Variants in AGBL1 observed in about 807,000 individuals in gnomAD.
AGBL1 encodes AGBL carboxypeptidase 1, also known as cytosolic carboxypeptidase 4.
In AGBL1, 130 loss-of-function variants were observed where a neutral mutation model predicts 118.9. That is an observed-to-expected ratio of 1.09 (90% CI 0.95 to 1.26). The LOEUF is 1.26. Ranked by LOEUF, AGBL1 falls within the 50% of genes most tolerant of loss-of-function variation. The probability of loss-of-function intolerance (pLI) is 0.00; values close to 1 mark genes in which losing one functional copy is unlikely to be tolerated. For synonymous variants in AGBL1, 555 were observed against 478.9 expected, an observed-to-expected ratio of 1.16 and a Z score of -2.08; for missense variants, 1,584 against 1,298.1, an observed-to-expected ratio of 1.22 and a Z score of -3.38.
Position 87,010,724 on chromosome 15 carries a change from G to C in AGBL1, c.3324-18101G>C, listed in dbSNP as rs184442240. 3.3e-3 allele frequency among the ~76,000 whole-genome samples: 505 copies of C among 152,292 alleles called. 3 individuals carry two copies. Among genetic ancestry groups the C allele is most frequent in the Middle Eastern group, 6.8e-3 (2 of 294 alleles). The stretch of plus-strand genomic sequence containing the variant: ...TAGACTTGGACTAAGCTATGCTACA[G>C]CTGCCCTGGTTCTCTAGCTTGAAAA... On this transcript the variant is annotated intron_variant, in intron 24 of 24. Transcript: ENST00000441037.
chr15:86,378,343 A>G (rs2081067288), intron 17 of AGBL1, among the ~76,000 whole-genome samples: 1 of 152,040 alleles, frequency 6.6e-6, no homozygotes, highest in African/African-American at 2.4e-5. Context: ...GCTGATTACC[A>G]CAGAAGATAT....
chr15:86,628,720 C>T (rs903894123), intron 21 of AGBL1, among the ~76,000 whole-genome samples: 57 of 151,854 alleles, frequency 3.8e-4, no homozygotes, highest in African/African-American at 1.1e-3. Context: ...GGCATGAACC[C>T]GGGAGGCGGA....
At chr15:86,419,736 C>G (rs1173883409) in intron 18 of AGBL1, among the ~76,000 whole-genome samples, 1 of 152,174 alleles carries the variant, frequency 6.6e-6, no homozygotes, top group Non-Finnish European at 1.5e-5. Context: ...GCTGCCAGCA[C>G]AGCAGTCTGA....
chr15:86,097,048 A>G (rs908965030), intron 1 of AGBL1, among the ~76,000 whole-genome samples: 1 of 152,168 alleles, frequency 6.6e-6, no homozygotes, highest in Admixed American at 6.6e-5. Context: ...CTGCAGACTC[A>G]CTTCTAGAAT....
chr15:86,355,702 C>T (rs1328514012), intron 17 of AGBL1, among the ~76,000 whole-genome samples: 1 of 152,228 alleles, frequency 6.6e-6, no homozygotes, highest in African/African-American at 2.4e-5. Context: ...CAGAATTGGT[C>T]CTGCTGAAAC....
At chr15:86,745,311 A>T (rs1290855661) in intron 22 of AGBL1, among the ~76,000 whole-genome samples, 3 of 152,200 alleles carry the variant, frequency 2.0e-5, no homozygotes, top group South Asian at 4.2e-4. Flanking sequence ...AAAAAATGGG[A>T]ATATAGAGGC....
At chr15:86,219,591 C>T (rs529035404) in intron 5 of AGBL1, among the ~76,000 whole-genome samples, 165 of 152,036 alleles carry the variant, frequency 1.1e-3, no homozygotes, top group African/African-American at 3.9e-3. Flanking sequence ...TCCTGCCACT[C>T]AAAGATGCCT....
intron 18 of AGBL1, among the ~76,000 whole-genome samples, chr15:86,507,439 G>T (rs1294430132): frequency 6.6e-6 from 1 of 151,982 alleles, no homozygotes; most frequent in East Asian, 1.9e-4. Context: ...TTGTTTTTTG[G>T]GGCTGAGGAT....
At chr15:86,080,543 G>A (rs1204904804) in intron 1 of AGBL1, among the ~76,000 whole-genome samples, 1 of 152,194 alleles carries the variant, frequency 6.6e-6, no homozygotes, top group East Asian at 1.9e-4. Context: ...TGACTAGAAG[G>A]TGTTTGAATC....
chr15:86,617,508 A>G (rs1382023650), intron 21 of AGBL1, among the ~76,000 whole-genome samples: 1 of 152,192 alleles, frequency 6.6e-6, no homozygotes, highest in Admixed American at 6.5e-5. Context: ...GTATGTAAAT[A>G]TTCTGTAATT....
intron 1 of AGBL1, among the ~76,000 whole-genome samples, chr15:86,118,371 G>C (rs1339066157): frequency 6.6e-6 from 1 of 151,950 alleles, no homozygotes; most frequent in Non-Finnish European, 1.5e-5. Context: ...TCTCCCCTCT[G>C]TTTATGCTCA....
chr15:86,211,575 A>G (rs1320335680), intron 5 of AGBL1, among the ~76,000 whole-genome samples: 1 of 152,174 alleles, frequency 6.6e-6, no homozygotes, highest in African/African-American at 2.4e-5. Context: ...CAAGGCTGCT[A>G]CCTCACAGGT....
chr15:86,286,878 A>G (rs1463852994), intron 16 of AGBL1, among the ~76,000 whole-genome samples: 5 of 151,866 alleles, frequency 3.3e-5, no homozygotes, highest in Admixed American at 3.3e-4. Context: ...ATATATACCC[A>G]GAAGTGAGAT....
chr15:86,874,240 G>A (rs530995619), intron 22 of AGBL1, among the ~76,000 whole-genome samples: 2 of 152,118 alleles, frequency 1.3e-5, no homozygotes, highest in East Asian at 1.9e-4. Flanking sequence ...TGTCCCAAGA[G>A]TTGCTTAAAT....
chr15:86,365,100 T>G (rs2080868503), intron 17 of AGBL1, among the ~76,000 whole-genome samples: 1 of 151,182 alleles, frequency 6.6e-6, no homozygotes, highest in Non-Finnish European at 1.5e-5. Context: ...ATTGATTTAT[T>G]TACATCTCCA....
In AGBL1 at chr15:86,225,038, T is replaced by C; in HGVS notation, c.526+87T>C. ...TCTGGTCCCCATGGCTGTTTCTTTT[T>C]TTTTTTTTTTCATGAACTACTATTT... On this transcript the variant is annotated intron_variant, in intron 6 of 22. Coordinates refer to ENST00000614907, the MANE Select transcript of AGBL1 (RefSeq NM_001386094.1). 5 of 1,361,482 alleles carry C rather than the reference T, an allele frequency of 3.7e-6. No homozygotes were observed. In the Middle Eastern group the frequency reaches 5.6e-4, roughly 153 times the overall value. The allele number at this position is 1,361,482 out of a possible 1,614,324, so 84.3% of individuals were successfully genotyped here. A position where few individuals can be genotyped will look rare whatever the true frequency, so the allele number is the denominator to read the frequency against.
chr15:86,502,860 G>A (rs2142163018), intron 18 of AGBL1, among the ~76,000 whole-genome samples: 1 of 151,430 alleles, frequency 6.6e-6, no homozygotes, highest in African/African-American at 2.4e-5. Context: ...ATATTTATCA[G>A]GGACACTGTT....
chr15:86,734,463 A>T (rs2077565873), intron 22 of AGBL1, among the ~76,000 whole-genome samples: 1 of 152,286 alleles, frequency 6.6e-6, no homozygotes, highest in Admixed American at 6.5e-5. Context: ...AAGGGAGGTG[A>T]TGAATAAAGA....
At chr15:86,181,619 A>C (rs961786531) in intron 5 of AGBL1, among the ~76,000 whole-genome samples, 7 of 152,036 alleles carry the variant, frequency 4.6e-5, no homozygotes, top group African/African-American at 1.4e-4. Context: ...TCAAAGGTAC[A>C]TACATGAAAT....
Sources: gnomAD v4.1 joint callset for allele counts (sites outside exome capture counted in the v4.1 genomes callset) on GRCh38, gnomAD v4.1.1 for gene constraint, MANE v1.5 for transcripts, NCBI Gene and HGNC (gene_info 2026-07-23, HGNC 2026-07-21) for gene names.